Variants in LARS2 observed in about 807,000 individuals in gnomAD.
LARS2 encodes the protein leucine--tRNA ligase, mitochondrial.
In LARS2, 81 loss-of-function variants were observed where a neutral mutation model predicts 116.6. The ratio of observed to expected loss-of-function variants is 0.69; its 90% CI spans 0.58 to 0.84. LARS2 has a LOEUF of 0.84. LARS2 is among the 40% of genes least tolerant of loss of function. The pLI is 0.00. For missense variants in LARS2, 968 were observed against 1,114.5 expected, an observed-to-expected ratio of 0.87 and a Z score of 1.87; for synonymous variants, 396 against 407.2, an observed-to-expected ratio of 0.97 and a Z score of 0.33.
At chr3:45,519,924 A>C (rs1172018691) in intron 18 of LARS2, 2 of 305,190 alleles carry the variant, frequency 6.6e-6, no homozygotes, top group African/African-American at 4.4e-5. Flanking sequence ...CTAGGATTAC[A>C]GGTGTGAGCC....
intron 17 of LARS2, among the ~76,000 whole-genome samples, chr3:45,516,676 A>C (rs948335029): frequency 1.3e-5 from 2 of 152,180 alleles, no homozygotes; most frequent in African/African-American, 4.8e-5. Context: ...GCTATAGTCC[A>C]AAGAGGCCAG....
At position 45,459,019 on chromosome 3, in the gene LARS2, C is replaced by T. The variant is rs1191847040; in HGVS notation, c.750+133C>T. 9 of 839,826 alleles carry T rather than the reference C, an allele frequency of 1.1e-5. No individual in the cohort carries two copies. In the South Asian group the frequency reaches 1.3e-4, roughly 12 times the overall value. 52.0% of individuals were successfully genotyped at this position (839,826 alleles called of 1,614,324 possible). ...GGGCTGGGAGCCATGGATGTACAGA[C>T]AGGAAGCAGCTGAGCCTCATCACTC... On this transcript the variant is annotated intron_variant, in intron 8 of 21. Coordinates refer to ENST00000645846, the MANE Select transcript of LARS2 (RefSeq NM_015340.4).
At chr3:45,447,788 G>A (rs1014563822) in intron 7 of LARS2, among the ~76,000 whole-genome samples, 5 of 152,142 alleles carry the variant, frequency 3.3e-5, no homozygotes, top group South Asian at 2.1e-4. Context: ...GTGGTCTCCC[G>A]AGAAATGAAA....
rs876657486 is a variant in LARS2, at chr3:45,517,970, G to A, written c.2112G>A (p.Glu704=). ...RLWTLTTRFI[E]ARASGKSPQP... is the part of the protein sequence containing the mutation. ...GGACCTTGACAACTCGGTTTATTGAGGCCAGGGCTTCTGGGAAGTCTCCCC... is the reference window on the plus strand; with the variant it reads ...GGACCTTGACAACTCGGTTTATTGAAGCCAGGGCTTCTGGGAAGTCTCCCC... The change falls in exon 18 of 22, where the codon GAG becomes GAA. Residue 704 remains glutamate, a synonymous_variant. Transcript: ENST00000645846. 1.2e-6 allele frequency: 2 copies of A among 1,614,086 alleles called. No individual in the cohort carries two copies. Among genetic ancestry groups the A allele is most frequent in the Non-Finnish European group, 1.7e-6 (2 of 1,179,964 alleles).
At chr3:45,513,086 GCCTCATGT>G in intron 15 of LARS2, 41 bp from the exon 16 acceptor site, 1 of 1,251,412 alleles carries the variant, frequency 8.0e-7, no homozygotes, top group Non-Finnish European at 1.2e-6. Flanking sequence ...TTTTCTCAAT[GCCTCATGT>G]CCCACTCCTC....
intron 21 of LARS2, among the ~76,000 whole-genome samples, chr3:45,543,753 C>T (rs776262532): frequency 6.6e-6 from 1 of 152,062 alleles, no homozygotes; most frequent in South Asian, 2.1e-4. Context: ...CAGGAGCCAC[C>T]GCACCCAGCC....
In LARS2 at chr3:45,407,652, A is replaced by G. The variant is rs181128437; in HGVS notation, c.363+7279A>G. Among the ~76,000 whole-genome samples, 15 of 152,344 alleles carry G rather than the reference A, an allele frequency of 9.8e-5. No individual in the cohort carries two copies. In the East Asian group the frequency reaches 1.2e-3, roughly 12 times the overall value. ...AAATAAGAAGTGTTGAACATACTCC[A>G]AAGACACCATGACACTCTGAAAATA... On this transcript the variant is annotated intron_variant, in intron 4 of 21. Transcript: ENST00000645846.
intron 7 of LARS2, among the ~76,000 whole-genome samples, chr3:45,456,638 CA>C (rs1442080563): frequency 6.6e-6 from 1 of 152,112 alleles, no homozygotes; most frequent in East Asian, 1.9e-4. Context: ...CTAATACAGG[CA>C]GGGATAATAG....
chr3:45,523,451 T>C (rs184011092), intron 19 of LARS2, among the ~76,000 whole-genome samples: 2 of 152,208 alleles, frequency 1.3e-5, no homozygotes, highest in East Asian at 3.9e-4. Context: ...ATCTGTCCAA[T>C]GGGGTAAGAA....
intron 4 of LARS2, among the ~76,000 whole-genome samples, chr3:45,403,130 A>AAAAAAAAAAT (rs1456792064): frequency 1.7e-4 from 25 of 150,418 alleles, no homozygotes; most frequent in African/African-American, 5.9e-4. Flanking sequence ...AAAAAAAAAA[A>AAAAAAAAAAT]AGAAAGATGT....
At chr3:45,445,977 G>A (rs116455736) in intron 6 of LARS2, among the ~76,000 whole-genome samples, 1,979 of 152,284 alleles carry the variant, frequency 0.013, 29 homozygotes, top group African/African-American at 0.045. Flanking sequence ...GGGAGGCTGA[G>A]GAGGGAGGGT....
intron 8 of LARS2, among the ~76,000 whole-genome samples, chr3:45,469,868 A>G (rs538606463): frequency 1.3e-5 from 2 of 152,306 alleles, no homozygotes; most frequent in East Asian, 3.9e-4. Flanking sequence ...GTTTTAGAAA[A>G]ATATATATAA....
At chr3:45,486,288 C>T (rs575157823) in intron 11 of LARS2, among the ~76,000 whole-genome samples, 1 of 152,216 alleles carries the variant, frequency 6.6e-6, no homozygotes, top group South Asian at 2.1e-4. Context: ...TCGAGCTATT[C>T]AAGAAAAGGA....
chr3:45,456,875 G>C (rs1041710975), intron 7 of LARS2, among the ~76,000 whole-genome samples: 11 of 152,170 alleles, frequency 7.2e-5, no homozygotes, highest in South Asian at 6.2e-4. Context: ...ACAACCCACA[G>C]ATAGGTTAGC....
chr3:45,452,781 A>G (rs1699154103), intron 7 of LARS2, among the ~76,000 whole-genome samples: 1 of 152,194 alleles, frequency 6.6e-6, no homozygotes, highest in Non-Finnish European at 1.5e-5. Context: ...GGTAGAATTC[A>G]GCAGTGAATC....
chr3:45,431,758 C>T (rs771198387), intron 6 of LARS2, among the ~76,000 whole-genome samples: 2 of 146,614 alleles, frequency 1.4e-5, no homozygotes, highest in African/African-American at 5.0e-5. Flanking sequence ...AAATGAGGAA[C>T]AAAAAAGCTA....
chr3:45,448,818 C>T (rs1419300116), intron 7 of LARS2, among the ~76,000 whole-genome samples: 1 of 152,218 alleles, frequency 6.6e-6, no homozygotes, highest in Non-Finnish European at 1.5e-5. Context: ...GTTCCTTGCC[C>T]TCATTCTGAT....
In LARS2 at chr3:45,400,252, A is replaced by T. The variant is rs1334434462; in HGVS notation, c.242A>T (p.Lys81Met). The change falls in exon 4 of 22, where the codon AAG becomes ATG. Residue 81 changes from lysine to methionine, a missense_variant. Lys to Met is a moderately conservative substitution (Grantham distance 95). Coordinates refer to ENST00000645846, the MANE Select transcript of LARS2 (RefSeq NM_015340.4). The part of the protein sequence containing the change: ...ASKISEADKS[K>M]PKFYVLSMFP... ...ATTGTCGTTCTTTCCTAGAAATCGA[A>T]GCCAAAATTTTACGTGCTTTCCATG... The T allele has an allele frequency of 3.7e-6, 6 of 1,612,942 alleles. No individual in the cohort carries two copies. The highest frequency in any genetic ancestry group is 5.1e-6 in the Non-Finnish European group (6 of 1,179,608).
intron 4 of LARS2, among the ~76,000 whole-genome samples, chr3:45,413,316 A>G (rs546305761): frequency 3.3e-5 from 5 of 152,380 alleles, no homozygotes; most frequent in Admixed American, 2.6e-4. Context: ...GTGATGTGCG[A>G]TGCTGTGAGA....
Sources: allele counts gnomAD v4.1 joint callset (sites outside exome capture counted in the v4.1 genomes callset), GRCh38; gene constraint gnomAD v4.1.1; transcripts MANE v1.5; gene names NCBI Gene and HGNC (gene_info 2026-07-23, HGNC 2026-07-21).